PJA2: variants seen among roughly 807,000 people sequenced by gnomAD.
The protein encoded by PJA2 is praja ring finger ubiquitin ligase 2.
PJA2 carries 25 observed loss-of-function variants against 69.3 expected under a neutral mutation model. That is an observed-to-expected ratio of 0.36 (90% CI 0.26 to 0.50). PJA2 has a LOEUF of 0.50. Ranked by LOEUF, PJA2 falls within the 20% of genes least tolerant of loss-of-function variation. The probability of loss-of-function intolerance (pLI) is 0.96; values close to 1 mark genes in which losing one functional copy is unlikely to be tolerated. For synonymous variants in PJA2, 308 were observed against 277.8 expected (o/e 1.11, Z -1.08); for missense variants, 809 against 830.2 (o/e 0.97, Z 0.31).
At chr5:109,339,404 T>C (rs1454674779) in intron 9 of PJA2, among the ~76,000 whole-genome samples, 1 of 152,146 alleles carries the variant, frequency 6.6e-6, no homozygotes, top group Non-Finnish European at 1.5e-5. Context: ...AACCTATGCA[T>C]GTAACAAAGT....
intron 7 of PJA2, among the ~76,000 whole-genome samples, chr5:109,352,307 T>G (rs1007683450): frequency 6.6e-6 from 1 of 152,174 alleles, no homozygotes; most frequent in Non-Finnish European, 1.5e-5. Flanking sequence ...ACTAAAACAT[T>G]TTATTCTCAA....
At chr5:109,377,063 C>A (rs1360141306) in intron 4 of PJA2, among the ~76,000 whole-genome samples, 1 of 152,002 alleles carries the variant, frequency 6.6e-6, no homozygotes, top group African/African-American at 2.4e-5. Flanking sequence ...AACAGTATAT[C>A]ATACAAAAAT....
intron 7 of PJA2, among the ~76,000 whole-genome samples, chr5:109,353,417 A>T (rs1762309449): frequency 1.9e-5 from 1 of 51,892 alleles, no homozygotes; most frequent in South Asian, 8.1e-4. Flanking sequence ...ATCTATAGAC[A>T]TCTATATATT....
At chr5:109,407,071 A>T (rs77075929) in intron 1 of PJA2, among the ~76,000 whole-genome samples, 7,633 of 152,254 alleles carry the variant, frequency 0.05, 205 homozygotes, top group African/African-American at 0.072. Flanking sequence ...ACTTTGGGGG[A>T]GATGAAAATA....
At chr5:109,407,359 A>T (rs1187402902) in intron 1 of PJA2, among the ~76,000 whole-genome samples, 3 of 152,192 alleles carry the variant, frequency 2.0e-5, no homozygotes, top group Admixed American at 6.5e-5. Flanking sequence ...TGTCAAAAAC[A>T]ACAACATAAG....
intron 5 of PJA2, among the ~76,000 whole-genome samples, chr5:109,367,158 A>ATC (rs1192623401): frequency 6.8e-6 from 1 of 148,100 alleles, no homozygotes; most frequent in Non-Finnish European, 1.5e-5. Flanking sequence ...ATATATATAT[A>ATC]TATATATCTA....
At chr5:109,341,168 C>T (rs1306394189) in intron 9 of PJA2, among the ~76,000 whole-genome samples, 338 of 110,750 alleles carry the variant, frequency 3.1e-3, no homozygotes, top group African/African-American at 7.4e-3. Flanking sequence ...CGTCTCCGCC[C>T]GGCCGCCATC....
At chr5:109,340,575 T>C (rs1381252030) in intron 9 of PJA2, among the ~76,000 whole-genome samples, 5 of 140,608 alleles carry the variant, frequency 3.6e-5, no homozygotes, top group Admixed American at 7.5e-5. Flanking sequence ...ATAAAACACT[T>C]CCTTTATTTA....
At chr5:109,346,052 A>C (rs1371244508) in intron 7 of PJA2, among the ~76,000 whole-genome samples, 2 of 151,658 alleles carry the variant, frequency 1.3e-5, no homozygotes, top group Non-Finnish European at 2.9e-5. Flanking sequence ...AAGTCCTATC[A>C]CTCCCTCTGG....
At chr5:109,391,900 A>T (rs1216150185) in intron 1 of PJA2, among the ~76,000 whole-genome samples, 1 of 152,212 alleles carries the variant, frequency 6.6e-6, no homozygotes, top group Non-Finnish European at 1.5e-5. Context: ...AATCCCTAGA[A>T]AGAAACCCAA....
At chr5:109,382,708 C>T (rs765224734) in intron 2 of PJA2, among the ~76,000 whole-genome samples, 13 of 152,038 alleles carry the variant, frequency 8.6e-5, no homozygotes, top group Non-Finnish European at 1.3e-4. Context: ...ATTAGCCAGA[C>T]GTGGTGGCAC....
intron 7 of PJA2, among the ~76,000 whole-genome samples, chr5:109,345,036 G>A (rs1294195140): frequency 6.6e-6 from 1 of 151,824 alleles, no homozygotes; most frequent in African/African-American, 2.4e-5. Context: ...CTTTCTACAT[G>A]TGAAATAAAA....
intron 4 of PJA2, among the ~76,000 whole-genome samples, chr5:109,370,375 TTTA>T (rs1318592885): frequency 6.6e-6 from 1 of 152,244 alleles, no homozygotes; most frequent in Non-Finnish European, 1.5e-5. Context: ...AGTGATTTCC[TTTA>T]TTAACAGATG....
chr5:109,402,340 T>C (rs1747573257), intron 1 of PJA2, among the ~76,000 whole-genome samples: 1 of 152,062 alleles, frequency 6.6e-6, no homozygotes, highest in Admixed American at 6.5e-5. Flanking sequence ...ACAGATTAAA[T>C]GGATGGAAAA....
chr5:109,360,282 CGAT>C, intron 6 of PJA2, among the ~76,000 whole-genome samples: 1 of 152,240 alleles, frequency 6.6e-6, no homozygotes, highest in African/African-American at 2.4e-5. Context: ...GTGTCTAAAA[CGAT>C]GATCTCTCTG....
At chr5:109,354,612 A>G (rs1762378670) in intron 7 of PJA2, among the ~76,000 whole-genome samples, 1 of 142,532 alleles carries the variant, frequency 7.0e-6, no homozygotes, top group Admixed American at 7.1e-5. Flanking sequence ...TCGATATCTA[A>G]TATCTATCGA....
intron 1 of PJA2, among the ~76,000 whole-genome samples, chr5:109,392,209 T>C (rs1000883962): frequency 1.3e-5 from 2 of 152,120 alleles, no homozygotes; most frequent in African/African-American, 4.8e-5. Context: ...AAACTTATGA[T>C]AATAAGAGGC....
chr5:109,407,099 G>A (rs1488530259), intron 1 of PJA2, among the ~76,000 whole-genome samples: 1 of 152,132 alleles, frequency 6.6e-6, no homozygotes, highest in Non-Finnish European at 1.5e-5. Context: ...TCTTAATTGT[G>A]GTATGAAAAT....
chr5:109,355,725 T>C (rs1461158248), intron 7 of PJA2, among the ~76,000 whole-genome samples, 190 bp downstream of exon 7: 1 of 152,220 alleles, frequency 6.6e-6, no homozygotes, highest in African/African-American at 2.4e-5. Context: ...TACTGAAATT[T>C]AAGGCAAACT....
Sources: gnomAD v4.1 joint callset for allele counts (sites outside exome capture counted in the v4.1 genomes callset) on GRCh38, gnomAD v4.1.1 for gene constraint, MANE v1.5 for transcripts, NCBI Gene and HGNC (gene_info 2026-07-23, HGNC 2026-07-21) for gene names.